Variants in WDR48 observed in about 807,000 individuals in gnomAD.
WDR48 encodes WD repeat-containing protein 48.
A neutral mutation model predicts 94.0 loss-of-function variants in WDR48; 22 were observed. The observed-to-expected ratio is 0.23, with a 90% CI of 0.17 to 0.33. The LOEUF (loss-of-function observed/expected upper bound fraction) is 0.33. Among genes scored for constraint, WDR48 ranks in the 10% least tolerant of loss-of-function variants. The probability of loss-of-function intolerance (pLI) is 1.00; values close to 1 mark genes in which losing one functional copy is unlikely to be tolerated. For synonymous variants in WDR48, 278 were observed against 280.5 expected, an observed-to-expected ratio of 0.99 and a Z score of 0.09; for missense variants, 541 against 813.8, an observed-to-expected ratio of 0.66 and a Z score of 4.08.
intron 7 of WDR48, among the ~76,000 whole-genome samples, chr3:39,071,278 AG>A (rs1482138788): frequency 6.6e-6 from 1 of 152,208 alleles, no homozygotes; most frequent in Non-Finnish European, 1.5e-5. Context: ...CTTAACTGTA[AG>A]CCAGGGCATT....
intron 5 of WDR48, among the ~76,000 whole-genome samples, chr3:39,067,097 A>AT (rs970806349): frequency 1.3e-5 from 2 of 152,120 alleles, no homozygotes; most frequent in African/African-American, 4.8e-5. Flanking sequence ...TAACCTGGTT[A>AT]TTTTTTGTAC....
chr3:39,057,520 C>T (rs1188965840), intron 1 of WDR48, among the ~76,000 whole-genome samples: 1 of 152,196 alleles, frequency 6.6e-6, no homozygotes, highest in African/African-American at 2.4e-5. Context: ...CTAAGTAATA[C>T]ATGTTGTTTG....
rs955641427 is a variant in WDR48, at chr3:39,095,701, A to T, written c.*958A>T. ...ATATTCATATCCTGGAAGTATACAT[A>T]TTTGTTTTTCCAAAGTTTTATATGC... On this transcript the variant is annotated 3_prime_UTR_variant, in exon 19 of 19. Coordinates refer to ENST00000302313, the MANE Select transcript of WDR48 (RefSeq NM_020839.4). The T allele has an allele frequency of 1.4e-4, 22 of 152,558 alleles. No individual in the cohort carries two copies. Among genetic ancestry groups the T allele is most frequent in the African/African-American group, 5.3e-4 (22 of 41,572 alleles). The allele number at this position is 152,558 out of a possible 1,614,324, so 9.5% of individuals were successfully genotyped here. A position where few individuals can be genotyped will look rare whatever the true frequency, so the allele number is the denominator to read the frequency against.
chr3:39,092,645 A>G (rs2035140371), intron 17 of WDR48, among the ~76,000 whole-genome samples: 1 of 152,318 alleles, frequency 6.6e-6, no homozygotes, highest in African/African-American at 2.4e-5. Flanking sequence ...GAGACCCAAG[A>G]GAAGAATTTT....
At chr3:39,052,289 C>T in intron 1 of WDR48, 2 of 558,034 alleles carry the variant, frequency 3.6e-6, no homozygotes, top group Non-Finnish European at 3.2e-6. Context: ...GCCCGGGACC[C>T]TCGTGGGCGG....
At chr3:39,066,282 A>G (rs1481599828) in intron 3 of WDR48, among the ~76,000 whole-genome samples, 3 of 152,236 alleles carry the variant, frequency 2.0e-5, no homozygotes, top group Non-Finnish European at 4.4e-5. Flanking sequence ...ATTTTTCTCA[A>G]TCACATTAGT....
At position 39,067,488 on chromosome 3, in the gene WDR48, C is replaced by T. The variant is rs151303161; in HGVS notation, c.481+613C>T. Among the ~76,000 whole-genome samples, 13 of 152,272 alleles carry T rather than the reference C, an allele frequency of 8.5e-5. No individual in the cohort carries two copies. In the East Asian group the frequency reaches 2.5e-3, roughly 29 times the overall value. On this transcript the variant is annotated intron_variant, in intron 5 of 18. Coordinates refer to ENST00000302313, the MANE Select transcript of WDR48 (RefSeq NM_020839.4). ...ATGGATGATTCATCAGCTAAGAGAT[C>T]TCAGACTACCAAGTCAGGCTCATAC...
In WDR48 at chr3:39,077,798, A is replaced by G. The variant is rs1023105490; in HGVS notation, c.973-339A>G. Among the ~76,000 whole-genome samples, 4 of 152,214 alleles carry G rather than the reference A, an allele frequency of 2.6e-5. No homozygotes were observed. In the South Asian group the frequency reaches 8.3e-4, roughly 31 times the overall value. Reference sequence around the variant, plus strand: ...GGTGTTTGCATTTATTCCTGTTGACATGCAGGTCAAGTGTTCTTTCTGTAT... The same window carrying G: ...GGTGTTTGCATTTATTCCTGTTGACGTGCAGGTCAAGTGTTCTTTCTGTAT... On this transcript the variant is annotated intron_variant, in intron 9 of 18. Coordinates refer to ENST00000302313, the MANE Select transcript of WDR48 (RefSeq NM_020839.4).
chr3:39,058,889 A>G (rs560789003), intron 1 of WDR48, among the ~76,000 whole-genome samples: 33 of 152,270 alleles, frequency 2.2e-4, no homozygotes, highest in African/African-American at 7.5e-4. Flanking sequence ...AGCCTGGCCA[A>G]GATGGCGAAA....
chr3:39,078,759 G>A (rs1048717108), intron 10 of WDR48, among the ~76,000 whole-genome samples: 2 of 68 alleles, frequency 0.029, no homozygotes, highest in South Asian at 0.17. Flanking sequence ...TGGGCCGGGC[G>A]CGGTGGCTCG....
At chr3:39,068,999 G>C (rs1393950047) in intron 6 of WDR48, 140 bp downstream of exon 6, 1 of 623,556 alleles carries the variant, frequency 1.6e-6, no homozygotes, top group Non-Finnish European at 2.7e-6. Flanking sequence ...TGTCACCCAG[G>C]TTGGGGTGCA....
At chr3:39,074,609 AAC>A (rs1234339725) in intron 7 of WDR48, 115 bp from the exon 8 acceptor site, 5 of 1,021,864 alleles carry the variant, frequency 4.9e-6, no homozygotes, top group South Asian at 3.2e-5. Context: ...CAGAGGCAGA[AAC>A]ACAGGTTAAT....
chr3:39,088,025 T>C, intron 14 of WDR48, 103 bp from the exon 15 acceptor site: 4 of 1,096,606 alleles, frequency 3.6e-6, no homozygotes. Flanking sequence ...AGAGGACATT[T>C]GAATTTAATC....
At chr3:39,057,021 A>G (rs755192551) in intron 1 of WDR48, among the ~76,000 whole-genome samples, 1 of 152,148 alleles carries the variant, frequency 6.6e-6, no homozygotes, top group Non-Finnish European at 1.5e-5. Context: ...CAGCAATTAA[A>G]ATTGAAATTA....
At chr3:39,084,398 A>G (rs549060695) in intron 12 of WDR48, 136 bp downstream of exon 12, 1 of 632,372 alleles carries the variant, frequency 1.6e-6, no homozygotes, top group African/African-American at 1.9e-5. Flanking sequence ...AAAATGCAAA[A>G]TGGAATAAAA....
At chr3:39,052,177 G>A in intron 1 of WDR48, 104 bp downstream of exon 1, 1 of 1,420,050 alleles carries the variant, frequency 7.0e-7, no homozygotes, top group Non-Finnish European at 9.7e-7. Flanking sequence ...TAGCGGCATG[G>A]GGCGAACGGG....
At chr3:39,092,577 A>G (rs2035135773) in intron 17 of WDR48, among the ~76,000 whole-genome samples, 1 of 152,204 alleles carries the variant, frequency 6.6e-6, no homozygotes, top group Non-Finnish European at 1.5e-5. Flanking sequence ...GCCAAGCCAT[A>G]GAGCGTGCAG....
At chr3:39,054,531 A>G (rs2032725781) in intron 1 of WDR48, among the ~76,000 whole-genome samples, 1 of 152,218 alleles carries the variant, frequency 6.6e-6, no homozygotes. Flanking sequence ...TTTGCTATAA[A>G]TGGAGCCATA....
chr3:39,077,407 A>C (rs111290294), intron 9 of WDR48, among the ~76,000 whole-genome samples, 194 bp downstream of exon 9: 2 of 152,204 alleles, frequency 1.3e-5, no homozygotes, highest in Non-Finnish European at 2.9e-5. Flanking sequence ...AGTCAAAATG[A>C]CTATTCTGAC....
Sources: gnomAD v4.1 joint callset for allele counts (sites outside exome capture counted in the v4.1 genomes callset) on GRCh38, gnomAD v4.1.1 for gene constraint, MANE v1.5 for transcripts, NCBI Gene and HGNC (gene_info 2026-07-23, HGNC 2026-07-21) for gene names.